The following FBXL13 variants were observed in gnomAD, a reference collection of about 807,000 sequenced individuals.
The protein encoded by FBXL13 is F-box and leucine-rich repeat protein 13.
FBXL13 carries 67 observed loss-of-function variants against 83.6 expected under a neutral mutation model. The observed-to-expected ratio is 0.80, with a 90% confidence interval of 0.66 to 0.98. The LOEUF (loss-of-function observed/expected upper bound fraction) is 0.98. FBXL13 is among the 50% of genes least tolerant of loss of function. The pLI, the probability that FBXL13 is intolerant of heterozygous loss-of-function variation, is 0.00. For synonymous variants in FBXL13, 272 were observed against 299.5 expected, an observed-to-expected ratio of 0.91 and a Z score of 0.95; for missense variants, 822 against 866.5, an observed-to-expected ratio of 0.95 and a Z score of 0.64.
intron 11 of FBXL13, among the ~76,000 whole-genome samples, chr7:102,907,230 T>C (rs1332057678): frequency 1.3e-5 from 2 of 152,212 alleles, no homozygotes; most frequent in Non-Finnish European, 2.9e-5. Flanking sequence ...TATCTCTTTG[T>C]CTACCTCCTC....
intron 10 of FBXL13, 121 bp from the exon 12 acceptor site, chr7:102,913,336 T>C: frequency 8.1e-7 from 1 of 1,241,558 alleles, no homozygotes. Context: ...ATGTTCAACA[T>C]TTAACTTTAC....
At chr7:102,893,962 GAGAGAA>G (rs1563055148) in intron 11 of FBXL13, among the ~76,000 whole-genome samples, 2 of 135,794 alleles carry the variant, frequency 1.5e-5, no homozygotes, top group Non-Finnish European at 3.1e-5. Flanking sequence ...AAGAAAGAAA[GAGAGAA>G]AGAAAGAAAG....
intron 8 of FBXL13, among the ~76,000 whole-genome samples, chr7:102,962,426 T>G (rs371405009): frequency 3.9e-5 from 6 of 152,294 alleles, no homozygotes; most frequent in East Asian, 1.9e-4. Flanking sequence ...TCAGTGTGGC[T>G]ATTCCTCAGG....
chr7:103,006,332 C>T (rs1346332576), intron 6 of FBXL13, among the ~76,000 whole-genome samples: 2 of 152,120 alleles, frequency 1.3e-5, no homozygotes, highest in Non-Finnish European at 1.5e-5. Flanking sequence ...GAGTGAGACA[C>T]CATGAAGCTG....
chr7:102,872,949 C>T (rs995785392), intron 16 of FBXL13, among the ~76,000 whole-genome samples: 1 of 152,170 alleles, frequency 6.6e-6, no homozygotes, highest in Non-Finnish European at 1.5e-5. Flanking sequence ...AAATGATTCA[C>T]TATTTTCCAC....
intron 7 of FBXL13, among the ~76,000 whole-genome samples, chr7:102,964,868 G>A (rs1015354406): frequency 1.3e-5 from 2 of 152,126 alleles, no homozygotes; most frequent in African/African-American, 2.4e-5. Context: ...AATGTCTTTC[G>A]ATAGGAGACA....
At chr7:103,048,365 C>A (rs186415363) in intron 2 of FBXL13, among the ~76,000 whole-genome samples, 5 of 150,812 alleles carry the variant, frequency 3.3e-5, no homozygotes, top group African/African-American at 1.2e-4. Context: ...GAAGACTCAG[C>A]TTTCCAAACA....
At chr7:102,924,117 A>G (rs570379539) in intron 10 of FBXL13, among the ~76,000 whole-genome samples, 3 of 152,040 alleles carry the variant, frequency 2.0e-5, no homozygotes, top group African/African-American at 7.2e-5. Flanking sequence ...ACATGCCTCT[A>G]ATCCCAGCTA....
intron 10 of FBXL13, among the ~76,000 whole-genome samples, chr7:102,914,794 C>G (rs928822113): frequency 6.6e-6 from 1 of 152,186 alleles, no homozygotes; most frequent in Non-Finnish European, 1.5e-5. Flanking sequence ...CCCAAAGACA[C>G]GCCCCCTCTC....
At chr7:103,041,084 C>G (rs1167050168) in intron 2 of FBXL13, among the ~76,000 whole-genome samples, 1 of 151,714 alleles carries the variant, frequency 6.6e-6, no homozygotes, top group African/African-American at 2.4e-5. Flanking sequence ...GATAGCAAGA[C>G]TAATAAAGAA....
At chr7:102,913,174 C>T in exon 11 of FBXL13, 1 of 1,614,146 alleles carries the variant, frequency 6.2e-7, no homozygotes, top group Non-Finnish European at 8.5e-7. Context: ...TGTGAACCGT[C>T]TGCAATAAGC....
chr7:102,926,797 C>T (rs1818224806), intron 9 of FBXL13, among the ~76,000 whole-genome samples: 1 of 152,198 alleles, frequency 6.6e-6, no homozygotes, highest in Non-Finnish European at 1.5e-5. Context: ...AACAATGGAA[C>T]TTTAGTAACA....
intron 6 of FBXL13, among the ~76,000 whole-genome samples, chr7:103,020,429 C>T (rs1793009796): frequency 6.6e-6 from 1 of 152,172 alleles, no homozygotes. Context: ...CAAGGATGTC[C>T]TCTCTCACCA....
chr7:102,832,076 A>C (rs1281603911), intron 18 of FBXL13, among the ~76,000 whole-genome samples: 1 of 152,252 alleles, frequency 6.6e-6, no homozygotes, highest in East Asian at 1.9e-4. Flanking sequence ...AAAAAAATCT[A>C]GAAGAATAAA....
chr7:102,995,479 A>C (rs1017621996), intron 6 of FBXL13, among the ~76,000 whole-genome samples: 3 of 72,508 alleles, frequency 4.1e-5, no homozygotes, highest in African/African-American at 1.9e-4. Context: ...ACTCCATCTC[A>C]AAAAAAAAAA....
intron 8 of FBXL13, among the ~76,000 whole-genome samples, chr7:102,948,520 T>G (rs1485353666): frequency 2.0e-5 from 3 of 151,300 alleles, no homozygotes; most frequent in African/African-American, 4.9e-5. Flanking sequence ...ACCTTCCGGG[T>G]TCAAGCAATT....
chr7:102,876,292 GC>G (rs574551891), intron 16 of FBXL13, among the ~76,000 whole-genome samples: 78 of 152,242 alleles, frequency 5.1e-4, no homozygotes, highest in African/African-American at 1.5e-3. Flanking sequence ...CACCAAATGG[GC>G]CCTCGTACAT....
chr7:103,032,408 C>A (rs893184200), intron 2 of FBXL13, among the ~76,000 whole-genome samples: 3 of 152,110 alleles, frequency 2.0e-5, no homozygotes, highest in African/African-American at 7.2e-5. Flanking sequence ...AAAATGAGTA[C>A]CTTTTCTTTG....
exon 5 of FBXL13, chr7:103,027,548 C>T (rs1279256666): frequency 6.2e-7 from 1 of 1,606,160 alleles, no homozygotes; most frequent in Non-Finnish European, 8.5e-7. Flanking sequence ...GTTGTATCCG[C>T]AATAGAATAT....
Sources: gnomAD v4.1 joint callset for allele counts (sites outside exome capture counted in the v4.1 genomes callset) on GRCh38, gnomAD v4.1.1 for gene constraint, MANE v1.5 for transcripts, NCBI Gene and HGNC (gene_info 2026-07-23, HGNC 2026-07-21) for gene names.